Variants in ATXN2 observed in about 807,000 individuals in gnomAD.
The protein encoded by ATXN2 is ataxin 2.
ATXN2 carries 37 observed loss-of-function variants against 138.6 expected under a neutral mutation model. The ratio of observed to expected loss-of-function variants is 0.27; its 90% CI spans 0.21 to 0.35. The LOEUF (loss-of-function observed/expected upper bound fraction) is 0.35. Ranked by LOEUF, ATXN2 falls within the 10% of genes least tolerant of loss-of-function variation. ATXN2 has a pLI of 1.00. For synonymous variants in ATXN2, 549 were observed against 543.7 expected (o/e 1.01, Z -0.13); for missense variants, 1,216 against 1,480.3 (o/e 0.82, Z 2.93).
chr12:111,597,321 C>G lies in ATXN2; in HGVS notation c.251+1463G>C, dbSNP rs536381883. Among the ~76,000 whole-genome samples, 12 of 152,240 alleles carry G rather than the reference C, an allele frequency of 7.9e-5. 2 individuals carry two copies. The highest frequency in any genetic ancestry group is 2.9e-4 in the African/African-American group (12 of 41,538). ...AAAATGTGTTTTCAAAAAGAAAACT[C>G]GGGTGAATGAAAAATCCTCTTATTC... On this transcript the variant is annotated intron_variant, in intron 1 of 24. Coordinates refer to ENST00000673436, the MANE Select transcript of ATXN2 (RefSeq NM_001372574.1).
chr12:111,471,496 G>A (rs1363941924), intron 18 of ATXN2: 3 of 152,194 alleles, frequency 2.0e-5, no homozygotes, highest in African/African-American at 7.2e-5. Context: ...TTTCTGGTGT[G>A]GCATTAACCA....
At chr12:111,470,537 G>C (rs1315002002) in intron 19 of ATXN2, 21 bp downstream of exon 19, 1 of 1,611,136 alleles carries the variant, frequency 6.2e-7, no homozygotes, top group Non-Finnish European at 8.5e-7. Flanking sequence ...AAAATTAAGA[G>C]TTAGGCCTTA....
intron 9 of ATXN2, 140 bp downstream of exon 9, chr12:111,518,109 T>C: frequency 2.8e-6 from 2 of 701,766 alleles, no homozygotes; most frequent in Non-Finnish European, 4.3e-6. Flanking sequence ...AAGCCAATTT[T>C]AAGTAATGCT....
chr12:111,509,767 C>A, intron 13 of ATXN2, 124 bp downstream of exon 13: 3 of 954,886 alleles, frequency 3.1e-6, no homozygotes, highest in Non-Finnish European at 4.8e-6. Context: ...ATTTGTCAAG[C>A]AATACATTTA....
chr12:111,502,107 G>A (rs984779617), intron 14 of ATXN2, among the ~76,000 whole-genome samples: 2 of 152,090 alleles, frequency 1.3e-5, no homozygotes, highest in Admixed American at 6.5e-5. Context: ...TACCCAGGTT[G>A]GTCTTTAATG....
chr12:111,584,933 T>G (rs1195628417), intron 1 of ATXN2, among the ~76,000 whole-genome samples: 1 of 151,850 alleles, frequency 6.6e-6, no homozygotes, highest in East Asian at 1.9e-4. Flanking sequence ...CCTCGGCAAC[T>G]AAGAGCGAAA....
intron 21 of ATXN2, among the ~76,000 whole-genome samples, chr12:111,463,986 C>T (rs975964956): frequency 6.6e-6 from 1 of 152,016 alleles, no homozygotes; most frequent in African/African-American, 2.4e-5. Flanking sequence ...TGGAGTTTTA[C>T]CATGTTGGCT....
intron 1 of ATXN2, among the ~76,000 whole-genome samples, chr12:111,576,741 C>A (rs1297235506): frequency 6.6e-6 from 1 of 151,660 alleles, no homozygotes; most frequent in African/African-American, 2.4e-5. Flanking sequence ...GGGCGGATCA[C>A]AAAGTCAGGA....
chr12:111,573,496 T>G (rs913879290), intron 1 of ATXN2, among the ~76,000 whole-genome samples: 3 of 152,278 alleles, frequency 2.0e-5, no homozygotes, highest in East Asian at 1.9e-4. Context: ...GCTCCCAGCC[T>G]TCTTCACTGA....
chr12:111,483,806 A>C (rs1232752799), intron 18 of ATXN2, among the ~76,000 whole-genome samples: 1 of 152,092 alleles, frequency 6.6e-6, no homozygotes, highest in Non-Finnish European at 1.5e-5. Context: ...TTTTTGAGGC[A>C]GGGTTTCGCT....
intron 1 of ATXN2, among the ~76,000 whole-genome samples, chr12:111,573,237 C>T (rs1159634082): frequency 6.6e-6 from 1 of 151,880 alleles, no homozygotes; most frequent in East Asian, 1.9e-4. Flanking sequence ...TTGTTGCCTA[C>T]GCTGGAGTGC....
intron 1 of ATXN2, among the ~76,000 whole-genome samples, chr12:111,582,826 G>A (rs1043990151): frequency 7.9e-5 from 12 of 151,716 alleles, no homozygotes; most frequent in African/African-American, 2.7e-4. Flanking sequence ...CCGCCACCAC[G>A]CCTGGCTAAT....
In ATXN2 at chr12:111,580,014, G is replaced by T. The variant is rs573624891; in HGVS notation, c.251+18770C>A. On this transcript the variant is annotated intron_variant, in intron 1 of 24. Coordinates refer to ENST00000673436, the MANE Select transcript of ATXN2 (RefSeq NM_001372574.1). ...TGGGCCCAGCCAGAGATAAGGTCTTGCTGTGTTGCCCAGGGCCTTGAACTC... is the reference window on the plus strand; with the variant it reads ...TGGGCCCAGCCAGAGATAAGGTCTTTCTGTGTTGCCCAGGGCCTTGAACTC... 5.9e-5 allele frequency among the ~76,000 whole-genome samples: 9 copies of T among 152,086 alleles called. No homozygotes were observed. The South Asian group carries it at 1.9e-3, about 32-fold the overall frequency.
At chr12:111,490,173 C>T (rs1249979780) in intron 14 of ATXN2, among the ~76,000 whole-genome samples, 1 of 150,346 alleles carries the variant, frequency 6.7e-6, no homozygotes, top group Non-Finnish European at 1.5e-5. Context: ...CACCACTGCA[C>T]TCCAGCCTGG....
intron 14 of ATXN2, among the ~76,000 whole-genome samples, chr12:111,500,320 T>C (rs1380790216): frequency 1.3e-5 from 2 of 152,204 alleles, no homozygotes; most frequent in Non-Finnish European, 1.5e-5. Flanking sequence ...GCAATGTAGA[T>C]GGCACTGGAG....
intron 18 of ATXN2, among the ~76,000 whole-genome samples, chr12:111,478,046 T>C (rs1428847313): frequency 6.6e-6 from 1 of 152,068 alleles, no homozygotes; most frequent in African/African-American, 2.4e-5. Context: ...TCCATCCAGG[T>C]TGGCCTCCCA....
chr12:111,482,496 G>A (rs990144985), intron 18 of ATXN2, among the ~76,000 whole-genome samples: 5 of 151,938 alleles, frequency 3.3e-5, no homozygotes, highest in Non-Finnish European at 1.5e-5. Flanking sequence ...CCCAGACTCT[G>A]AGTATATCAT....
At chr12:111,461,195 C>T (rs1395324760) in intron 21 of ATXN2, 1 of 152,168 alleles carries the variant, frequency 6.6e-6, no homozygotes, top group Non-Finnish European at 1.5e-5. Context: ...TGGAGCCGGG[C>T]ACGGTGGCTC....
chr12:111,594,061 T>C (rs567106750), intron 1 of ATXN2, among the ~76,000 whole-genome samples: 1 of 152,316 alleles, frequency 6.6e-6, no homozygotes, highest in African/African-American at 2.4e-5. Context: ...TTAATCTGCT[T>C]TCTTCTAATT....
Sources: gnomAD v4.1 joint callset for allele counts (sites outside exome capture counted in the v4.1 genomes callset) on GRCh38, gnomAD v4.1.1 for gene constraint, MANE v1.5 for transcripts, NCBI Gene and HGNC (gene_info 2026-07-23, HGNC 2026-07-21) for gene names.